The following MAP4K1 variants were observed in gnomAD, a reference collection of about 807,000 sequenced individuals.
The protein encoded by MAP4K1 is mitogen-activated protein kinase kinase kinase kinase 1, also known as MAPK/ERK kinase kinase kinase 1.
MAP4K1 carries 35 observed loss-of-function variants against 122.8 expected under a neutral mutation model. The observed-to-expected ratio is 0.29, with a 90% CI of 0.22 to 0.38. The LOEUF (loss-of-function observed/expected upper bound fraction) is 0.38. Ranked by LOEUF, MAP4K1 falls within the 10% of genes least tolerant of loss-of-function variation. The probability of loss-of-function intolerance (pLI) is 1.00; values close to 1 mark genes in which losing one functional copy is unlikely to be tolerated. For synonymous variants in MAP4K1, 412 were observed against 421.3 expected, an observed-to-expected ratio of 0.98 and a Z score of 0.27; for missense variants, 791 against 1,072.6, an observed-to-expected ratio of 0.74 and a Z score of 3.67.
In MAP4K1 at chr19:38,608,161, A is replaced by G. The variant is rs1975387691; in HGVS notation, c.1016T>C (p.Met339Thr). ...IPDADCCRRHMEFRKLRGMET... is the reference protein window; with the variant it reads ...IPDADCCRRHTEFRKLRGMET... ...CATTCCTCGGAGCTTCCTGAACTCC[A>G]TGTGCCGCCCTAGGGTGGGTGGGGG... The change falls in exon 14 of 31, where the codon ATG becomes ACG. Residue 339 changes from methionine to threonine, a missense_variant. This residue lies in a region of MAP4K1 where 303 missense variants were observed against 344.8 expected (regional missense o/e 0.88). Coordinates refer to ENST00000396857, the MANE Select transcript of MAP4K1 (RefSeq NM_001042600.3). The G allele has an allele frequency of 4.0e-6, 6 of 1,517,084 alleles. No homozygotes were observed. The highest frequency in any genetic ancestry group is 5.3e-6 in the Non-Finnish European group (6 of 1,134,314). 94.0% of individuals were successfully genotyped at this position (1,517,084 alleles called of 1,614,324 possible).
intron 19 of MAP4K1, among the ~76,000 whole-genome samples, chr19:38,603,035 C>T (rs1334022755): frequency 2.1e-5 from 3 of 145,196 alleles, no homozygotes; most frequent in Non-Finnish European, 3.0e-5. Context: ...TACATATATA[C>T]ACATGTACAT....
rs1974884857 is a variant in MAP4K1 at position 38,596,391 on chromosome 19, G to A, written c.2037C>T (p.Pro679=). 6.3e-7 allele frequency: 1 copy of A among 1,597,264 alleles called. No homozygotes were observed. The highest frequency in any genetic ancestry group is 8.5e-7 in the Non-Finnish European group (1 of 1,175,206). Residue 679 remains proline, a synonymous_variant, in exon 26 of 31, where the codon CCC becomes CCT. Coordinates refer to ENST00000396857, the MANE Select transcript of MAP4K1 (RefSeq NM_001042600.3). ...AGAGCACCGACTTCCCCGGCCGCCC[G>A]GGGCTCACGCCGATGCACACAGCGG... ...ELPAVCIGVS[P]GRPGKSVLFH...
intron 19 of MAP4K1, 73 bp from the exon 20 acceptor site, chr19:38,601,598 C>A (rs1265755977): frequency 5.1e-6 from 6 of 1,170,164 alleles, no homozygotes; most frequent in Non-Finnish European, 7.4e-6. Context: ...GCAGTGGTTA[C>A]GACTTTGGAG....
chr19:38,610,372 ATTTTTTTTTTTTTT>A (rs35103992), intron 11 of MAP4K1, among the ~76,000 whole-genome samples: 5 of 76,196 alleles, frequency 6.6e-5, no homozygotes, highest in East Asian at 8.0e-4. Context: ...CGCCCAGCTA[ATTTTTTTTTTTTTT>A]TTTTTTTTTT....
intron 13 of MAP4K1, among the ~76,000 whole-genome samples, chr19:38,608,729 G>A (rs985865775): frequency 5.4e-5 from 8 of 148,924 alleles, no homozygotes; most frequent in African/African-American, 2.0e-4. Flanking sequence ...GAACCCAGGA[G>A]GCAGAGGTTT....
At chr19:38,590,207 A>G (rs924808323) in intron 30 of MAP4K1, among the ~76,000 whole-genome samples, 3 of 151,048 alleles carry the variant, frequency 2.0e-5, no homozygotes, top group African/African-American at 7.3e-5. Flanking sequence ...CCCAAAATTC[A>G]GAACGTGGAA....
intron 29 of MAP4K1, among the ~76,000 whole-genome samples, chr19:38,594,532 C>T (rs930848663): frequency 1.3e-5 from 2 of 151,988 alleles, no homozygotes; most frequent in Non-Finnish European, 2.9e-5. Context: ...CCCAGCTACT[C>T]GGGAGGCTGA....
At position 38,603,011 on chromosome 19, in the gene MAP4K1, C is replaced by T. The variant is rs561843741; in HGVS notation, c.1447-1486G>A. ...ACATATATACATATACATATATACA[C>T]ACATATACATGTATACATATATACA... On this transcript the variant is annotated intron_variant, in intron 19 of 30. Transcript: ENST00000396857. Among the ~76,000 whole-genome samples, 44 of 146,560 alleles carry T rather than the reference C, an allele frequency of 3.0e-4. 1 individual carries two copies. Among genetic ancestry groups the T allele is most frequent in the Admixed American group, 8.3e-4 (12 of 14,532 alleles).
chr19:38,594,328 G>C lies in MAP4K1; in HGVS notation c.2341-991C>G, dbSNP rs117948559. Among the ~76,000 whole-genome samples the C allele has an allele frequency of 8.0e-3, 1,218 of 151,726 alleles. 31 individuals carry two copies. Among genetic ancestry groups the C allele is most frequent in the East Asian group, 0.059 (306 of 5,152 alleles). On this transcript the variant is annotated intron_variant, in intron 29 of 30. Coordinates refer to ENST00000396857, the MANE Select transcript of MAP4K1 (RefSeq NM_001042600.3). ...CACCACTGCACTTCAGCCTGGACAA[G>C]AGAGAGAGACCCTATCTCCAAAACA...
chr19:38,614,921 CAAAAAAAAAAAAAA>C (rs562410574), intron 4 of MAP4K1: 20 of 21,576 alleles, frequency 9.3e-4, no homozygotes, highest in Non-Finnish European at 1.4e-3. Flanking sequence ...GGCTCTGTCT[CAAAAAAAAAAAAAA>C]AAAAAAAAAA....
At chr19:38,610,315 C>T (rs573142887) in intron 11 of MAP4K1, among the ~76,000 whole-genome samples, 2 of 151,332 alleles carry the variant, frequency 1.3e-5, no homozygotes, top group South Asian at 2.1e-4. Flanking sequence ...AATTGATTCT[C>T]GTGCCTCAGC....
chr19:38,602,598 A>G (rs770540334), intron 19 of MAP4K1, among the ~76,000 whole-genome samples: 9 of 149,166 alleles, frequency 6.0e-5, no homozygotes, highest in Non-Finnish European at 1.2e-4. Flanking sequence ...GTACATATAT[A>G]CGCATATACA....
In MAP4K1 at chr19:38,615,379, A is replaced by G. The variant is rs536160922; in HGVS notation, c.313+816T>C. ...TCATGTGACTTTGCAAAATAAGGAAAGGCACAGAGACAGAGAGAGACAGAG... is the reference window on the plus strand; with the variant it reads ...TCATGTGACTTTGCAAAATAAGGAAGGGCACAGAGACAGAGAGAGACAGAG... On this transcript the variant is annotated intron_variant, in intron 4 of 30. Transcript: ENST00000396857. 8.3e-4 allele frequency among the ~76,000 whole-genome samples: 125 copies of G among 150,606 alleles called. 1 individual carries two copies. Among genetic ancestry groups the G allele is most frequent in the African/African-American group, 2.9e-3 (118 of 41,306 alleles).
chr19:38,602,833 C>T (rs574501354), intron 19 of MAP4K1, among the ~76,000 whole-genome samples: 10 of 147,522 alleles, frequency 6.8e-5, no homozygotes, highest in South Asian at 6.4e-4. Context: ...TACATATATA[C>T]GCATATACAT....
rs759538485 is a variant in MAP4K1 at position 38,597,025 on chromosome 19, G to A, written c.1941+9C>T. ...CTCAGAGTTCCCAGCACCCTCCCAAGCCCCTTACCCGGACAAGCAGGAATT... is the reference window on the plus strand; with the variant it reads ...CTCAGAGTTCCCAGCACCCTCCCAAACCCCTTACCCGGACAAGCAGGAATT... On this transcript the variant is annotated intron_variant, in intron 25 of 30. Transcript: ENST00000396857. This position sits in a 1 kb window ranked among gnomAD's most constrained non-coding sequence, Gnocchi z 4.6. 24 of 1,613,478 alleles carry A rather than the reference G, an allele frequency of 1.5e-5. No individual in the cohort carries two copies. The highest frequency in any genetic ancestry group is 2.0e-5 in the Non-Finnish European group (23 of 1,179,444).
chr19:38,607,559 CAAAAAAAAAAA>C (rs759008757), intron 16 of MAP4K1, among the ~76,000 whole-genome samples: 1 of 55,056 alleles, frequency 1.8e-5, no homozygotes, highest in Non-Finnish European at 3.5e-5. Context: ...GACTCCATCT[CAAAAAAAAAAA>C]AAAAAAAAAA....
At position 38,617,734 on chromosome 19, in the gene MAP4K1, T is replaced by C; in HGVS notation, c.99+63A>G. ...GGACCCCCTCTTGCAGCCTCCTCCC[T>C]GCCGAGGGCTTGCCTTAAAGGTCAC... On this transcript the variant is annotated intron_variant, in intron 1 of 30. Transcript: ENST00000396857. This position sits in a 1 kb window ranked among gnomAD's most constrained non-coding sequence, Gnocchi z 4.1. 6.2e-7 allele frequency: 1 copy of C among 1,605,522 alleles called. No individual in the cohort carries two copies. The highest frequency in any genetic ancestry group is 8.5e-7 in the Non-Finnish European group (1 of 1,172,206).
At chr19:38,610,697 G>A (rs550920958) in intron 11 of MAP4K1, among the ~76,000 whole-genome samples, 19 of 152,118 alleles carry the variant, frequency 1.2e-4, no homozygotes, top group African/African-American at 3.9e-4. Context: ...ACCGGTGGGA[G>A]TCTAAGACAT....
Position 38,597,490 on chromosome 19 carries a change from C to T in MAP4K1, c.1774G>A (p.Ala592Thr), listed in dbSNP as rs898409578. 2.5e-6 allele frequency: 4 copies of T among 1,613,874 alleles called. No homozygotes were observed. The African/African-American group carries it at 4.0e-5, about 16-fold the overall frequency. Residue 592 changes from alanine (A) to threonine (T), a missense_variant, in exon 23 of 31, where the codon GCA becomes ACA. By Grantham distance (58) the Ala-to-Thr change is moderately conservative (BLOSUM62 0). This residue lies in a region of MAP4K1 where 267 missense variants were observed against 323.0 expected (regional missense o/e 0.83). Transcript: ENST00000396857. This position sits in a 1 kb window ranked among gnomAD's most constrained non-coding sequence, Gnocchi z 4.6. The stretch of plus-strand genomic sequence containing the variant: ...CCATTCATTGGGAGCTGGTACCTTG[C>T]CAGTAGGCGGTGGGGGCTAATGTGA... Reference protein sequence around the residue: ...IAHISPHRLLARKNMVSTKIQ... With the variant: ...IAHISPHRLLTRKNMVSTKIQ...
Sources: allele counts gnomAD v4.1 joint callset (sites outside exome capture counted in the v4.1 genomes callset), GRCh38; gene constraint gnomAD v4.1.1; regional missense constraint gnomAD v4.1.1; non-coding constraint Gnocchi (gnomAD v3.1); transcripts MANE v1.5; gene names NCBI Gene and HGNC (gene_info 2026-07-23, HGNC 2026-07-21).